The following UST variants were observed in gnomAD, a reference collection of about 807,000 sequenced individuals.
UST encodes the protein uronyl 2-sulfotransferase.
Under a neutral mutation model 45.6 loss-of-function variants are expected in UST, and 21 were observed. That is an observed-to-expected ratio of 0.46 (90% CI 0.33 to 0.66). The LOEUF (loss-of-function observed/expected upper bound fraction) is 0.66, where lower values mean the gene tolerates loss of function less well. UST is among the 30% of genes least tolerant of loss of function. The pLI is 0.02. For missense variants in UST, 463 were observed against 512.4 expected (o/e 0.90, Z 0.93); for synonymous variants, 215 against 200.6 (o/e 1.07, Z -0.61).
chr6:148,997,252 G>A (rs768776448), intron 5 of UST, among the ~76,000 whole-genome samples: 21 of 152,192 alleles, frequency 1.4e-4, no homozygotes, highest in South Asian at 2.1e-4. Context: ...GCTTGATTTC[G>A]TAGCTTTTTT....
chr6:148,853,433 T>C (rs952872248), intron 1 of UST, among the ~76,000 whole-genome samples: 2 of 152,218 alleles, frequency 1.3e-5, no homozygotes, highest in African/African-American at 4.8e-5. Flanking sequence ...CATATACAGA[T>C]ATCTTTATAA....
At chr6:148,896,081 T>G (rs762694109) in intron 2 of UST, among the ~76,000 whole-genome samples, 8 of 152,174 alleles carry the variant, frequency 5.3e-5, no homozygotes, top group Non-Finnish European at 7.3e-5. Context: ...GTATTGGGAG[T>G]ACAATGACCT....
At position 149,012,223 on chromosome 6, in the gene UST, A is replaced by G. The variant is rs137964948; in HGVS notation, c.682-6916A>G. Among the ~76,000 whole-genome samples the G allele has an allele frequency of 5.3e-3, 806 of 152,372 alleles. 8 individuals are homozygous for G. The highest frequency in any genetic ancestry group is 0.018 in the African/African-American group (766 of 41,594). ...CTAGACATGAGCATGGAATGGGAGA[A>G]TGATGGTATCTGGCCATCTGCCACT... On this transcript the variant is annotated intron_variant, in intron 5 of 7. Coordinates refer to ENST00000367463, the MANE Select transcript of UST (RefSeq NM_005715.3).
chr6:149,017,756 T>G (rs1262311865), intron 5 of UST, among the ~76,000 whole-genome samples: 1 of 151,780 alleles, frequency 6.6e-6, no homozygotes, highest in Non-Finnish European at 1.5e-5. Context: ...TGCCATATTT[T>G]GTTGTAATAA....
At chr6:148,824,674 C>CTTTTT (rs535345402) in intron 1 of UST, among the ~76,000 whole-genome samples, 64 of 133,234 alleles carry the variant, frequency 4.8e-4, no homozygotes, top group East Asian at 2.0e-3. Context: ...TATTTTCTTT[C>CTTTTT]TTTTTTTTTT....
intron 5 of UST, among the ~76,000 whole-genome samples, chr6:149,004,674 T>G (rs1445104399): frequency 6.6e-6 from 1 of 151,790 alleles, no homozygotes; most frequent in Non-Finnish European, 1.5e-5. Flanking sequence ...GAACCAGGAG[T>G]ACTGAGCAAG....
At chr6:148,988,472 G>A (rs1241407845) in intron 5 of UST, among the ~76,000 whole-genome samples, 1 of 150,800 alleles carries the variant, frequency 6.6e-6, no homozygotes, top group African/African-American at 2.4e-5. Flanking sequence ...TACTCAGGAG[G>A]CTGAGGCACA....
At chr6:149,019,583 C>T (rs1414611710) in intron 6 of UST, among the ~76,000 whole-genome samples, 4 of 152,126 alleles carry the variant, frequency 2.6e-5, no homozygotes, top group Non-Finnish European at 4.4e-5. Context: ...AAAATGTGAT[C>T]GTGAAGACCA....
intron 3 of UST, among the ~76,000 whole-genome samples, chr6:148,951,820 C>G (rs540890996): frequency 3.9e-5 from 6 of 152,144 alleles, no homozygotes; most frequent in African/African-American, 1.4e-4. Context: ...TTAAAGATAA[C>G]GTCTAGAAAG....
At chr6:148,860,974 C>T (rs1234604773) in intron 1 of UST, among the ~76,000 whole-genome samples, 1 of 152,162 alleles carries the variant, frequency 6.6e-6, no homozygotes, top group East Asian at 1.9e-4. Flanking sequence ...TGTTGTGTCT[C>T]TGCCCGGCTT....
chr6:148,984,084 A>G (rs1781191472), intron 5 of UST, among the ~76,000 whole-genome samples: 1 of 152,198 alleles, frequency 6.6e-6, no homozygotes, highest in South Asian at 2.1e-4. Context: ...CCCATCTGCA[A>G]CTGATTATTA....
intron 2 of UST, among the ~76,000 whole-genome samples, chr6:148,899,092 C>CTTTTTTTTTT (rs3075093): frequency 1.5e-5 from 1 of 65,580 alleles, no homozygotes; most frequent in African/African-American, 5.9e-5. Flanking sequence ...CTACCTAATC[C>CTTTTTTTTTT]TTTTTTTTTT....
At chr6:148,938,812 T>C in intron 2 of UST, among the ~76,000 whole-genome samples, 1 of 151,104 alleles carries the variant, frequency 6.6e-6, no homozygotes, top group Middle Eastern at 3.2e-3. Flanking sequence ...TATATCAAAA[T>C]AGATAAACAG....
At chr6:149,043,666 G>A (rs147150423) in intron 7 of UST, among the ~76,000 whole-genome samples, 6 of 152,382 alleles carry the variant, frequency 3.9e-5, no homozygotes, top group South Asian at 2.1e-4. Flanking sequence ...GCTGTCAGTC[G>A]GGAGAACTGG....
At chr6:148,750,389 C>T (rs944523917) in intron 1 of UST, among the ~76,000 whole-genome samples, 2 of 152,184 alleles carry the variant, frequency 1.3e-5, no homozygotes, top group African/African-American at 4.8e-5. Context: ...GTATTTATCA[C>T]GCATGTGCCA....
intron 1 of UST, among the ~76,000 whole-genome samples, chr6:148,886,302 A>G (rs902593326): frequency 1.3e-5 from 2 of 152,220 alleles, no homozygotes; most frequent in Non-Finnish European, 2.9e-5. Context: ...TGGTATTTGC[A>G]TTAAATAGAT....
chr6:148,876,987 TGGGGGGTCATATATGAGTTGG>T (rs1373640708), intron 1 of UST, among the ~76,000 whole-genome samples: 1 of 35,752 alleles, frequency 2.8e-5, no homozygotes, highest in Non-Finnish European at 4.8e-5. Context: ...TGTATGAGTG[TGGGGGGTCATATATGAGTTGG>T]GGGGGGTCAT....
intron 2 of UST, among the ~76,000 whole-genome samples, chr6:148,901,153 C>T (rs574778491): frequency 1.1e-4 from 17 of 152,360 alleles, no homozygotes; most frequent in African/African-American, 3.8e-4. Context: ...GGGGGACCAT[C>T]ATTCTGCCTT....
At chr6:149,045,155 G>T (rs1776379985) in intron 7 of UST, among the ~76,000 whole-genome samples, 1 of 138,180 alleles carries the variant, frequency 7.2e-6, no homozygotes. Context: ...TACTCAAAGT[G>T]TGGATGTGTG....
Sources: allele counts gnomAD v4.1 joint callset (sites outside exome capture counted in the v4.1 genomes callset), GRCh38; gene constraint gnomAD v4.1.1; transcripts MANE v1.5; gene names NCBI Gene and HGNC (gene_info 2026-07-23, HGNC 2026-07-21).